Variants in STAT4 observed in about 807,000 individuals in gnomAD.
STAT4 encodes signal transducer and activator of transcription 4.
In STAT4, 42 loss-of-function variants were observed where a neutral mutation model predicts 110.5. The ratio of observed to expected loss-of-function variants is 0.38; its 90% CI spans 0.30 to 0.49. The LOEUF is 0.49. Among genes scored for constraint, STAT4 ranks in the 20% least tolerant of loss-of-function variants. STAT4 has a pLI of 0.95. For missense variants in STAT4, 632 were observed against 887.9 expected, an observed-to-expected ratio of 0.71 and a Z score of 3.66; for synonymous variants, 284 against 302.2, an observed-to-expected ratio of 0.94 and a Z score of 0.63.
chr2:191,130,468 C>T (rs894794395), intron 3 of STAT4, among the ~76,000 whole-genome samples: 6 of 151,568 alleles, frequency 4.0e-5, no homozygotes, highest in Admixed American at 1.3e-4. Context: ...GTGATCCGCC[C>T]GCCTCGGCCT....
At position 191,064,893 on chromosome 2, in the gene STAT4, T is replaced by C. The variant is rs371181176; in HGVS notation, c.696A>G (p.Ile232Met). Residue 232 changes from isoleucine (I) to methionine (M), a missense_variant, in exon 8 of 24, where the codon ATA becomes ATG. Transcript: ENST00000392320. ...GCCGCTTCCAGTCTTGCAGCTCTTC[T>C]ATGAGCATGGTGTTCATTAACAGGT... ...ETDLLMNTML[I>M]EELQDWKRRQ... The C allele has an allele frequency of 1.9e-6, 3 of 1,613,304 alleles. No homozygotes were observed. The African/African-American group carries it at 4.0e-5, about 22-fold the overall frequency.
At chr2:191,139,178 A>G (rs181708638) in intron 3 of STAT4, among the ~76,000 whole-genome samples, 1 of 152,262 alleles carries the variant, frequency 6.6e-6, no homozygotes, top group East Asian at 1.9e-4. Flanking sequence ...ATTCCCCCCG[A>G]GAGCTGGAAC....
chr2:191,099,132 G>A lies in STAT4; in HGVS notation c.274-22807C>T, dbSNP rs950717760. Among the ~76,000 whole-genome samples the A allele has an allele frequency of 6.6e-6, 1 of 151,654 alleles. No individual in the cohort carries two copies. Among genetic ancestry groups the A allele is most frequent in the African/African-American group, 2.4e-5 (1 of 41,312 alleles). On this transcript the variant is annotated intron_variant, in intron 3 of 23. Transcript: ENST00000392320. The surrounding 1 kb of genome is among the most constrained non-coding windows in gnomAD (Gnocchi z 4.1). ...GGATGCCCCATCTCCCAAATAGTTA[G>A]GAAAAAAGCAAATTTAAAATAAAGA...
At chr2:191,085,156 A>C (rs1697603298) in intron 3 of STAT4, among the ~76,000 whole-genome samples, 1 of 151,694 alleles carries the variant, frequency 6.6e-6, no homozygotes, top group Non-Finnish European at 1.5e-5. Context: ...CAAAGAGTAA[A>C]TGTTTCTGCT....
intron 14 of STAT4, among the ~76,000 whole-genome samples, chr2:191,054,113 G>GT (rs1215078558): frequency 1.4e-5 from 2 of 142,776 alleles, no homozygotes; most frequent in African/African-American, 5.3e-5. Flanking sequence ...GGGCAACAGA[G>GT]TGAGACCCTT....
At position 191,046,540 on chromosome 2, in the gene STAT4, G is replaced by A. The variant is rs1213843743; in HGVS notation, c.1252-5392C>T. On this transcript the variant is annotated intron_variant, in intron 14 of 23. Transcript: ENST00000392320. The surrounding 1 kb of genome is among the most constrained non-coding windows in gnomAD (Gnocchi z 4.6). The stretch of plus-strand genomic sequence containing the variant: ...CCTGGAAGTGGGCTTGAGGTCTTCT[G>A]GGCTAAGAATTCTGGGGTCCTGGAT... Among the ~76,000 whole-genome samples the A allele has an allele frequency of 1.3e-5, 2 of 152,096 alleles. No individual in the cohort carries two copies. Among genetic ancestry groups the A allele is most frequent in the African/African-American group, 4.8e-5 (2 of 41,396 alleles).
chr2:191,030,052 C>T lies in STAT4; in HGVS notation c.2221-186G>A, dbSNP rs780990843. Among the ~76,000 whole-genome samples, 11 of 152,040 alleles carry T rather than the reference C, an allele frequency of 7.2e-5. No individual in the cohort carries two copies. The highest frequency in any genetic ancestry group is 1.3e-4 in the Non-Finnish European group (9 of 68,020). On this transcript the variant is annotated intron_variant, in intron 23 of 23. Coordinates refer to ENST00000392320, the MANE Select transcript of STAT4 (RefSeq NM_003151.4). This position sits in a 1 kb window ranked among gnomAD's most constrained non-coding sequence, Gnocchi z 4.4. ...GTTGATCAGTCTAAAATAAAAGGTA[C>T]CTTTCAAGGAGACAGAAAAGTGTTT... is the stretch of plus-strand genomic sequence containing the variant.
At chr2:191,041,627 C>T (rs1316889019) in intron 14 of STAT4, 1 of 152,144 alleles carries the variant, frequency 6.6e-6, no homozygotes, top group Non-Finnish European at 1.5e-5. Context: ...CCAGACACTC[C>T]AATAAGGTAA....
At chr2:191,111,670 T>C (rs1382647359) in intron 3 of STAT4, among the ~76,000 whole-genome samples, 1 of 152,082 alleles carries the variant, frequency 6.6e-6, no homozygotes, top group Non-Finnish European at 1.5e-5. Context: ...CTGGGCAACA[T>C]AGTAAGACCC....
Position 191,029,818 on chromosome 2 carries a change from T to C in STAT4, c.*22A>G, listed in dbSNP as rs765524533. Reference sequence around the variant, plus strand: ...AAACTTTTTCATTTGCTTCCTTTCTTGGTGCGTCAGAGTTTATCCTGTCAT... The same window carrying C: ...AAACTTTTTCATTTGCTTCCTTTCTCGGTGCGTCAGAGTTTATCCTGTCAT... On this transcript the variant is annotated 3_prime_UTR_variant, in exon 24 of 24. Transcript: ENST00000392320. This position sits in a 1 kb window ranked among gnomAD's most constrained non-coding sequence, Gnocchi z 4.5. 12 of 1,597,310 alleles carry C rather than the reference T, an allele frequency of 7.5e-6. No individual in the cohort carries two copies. The highest frequency in any genetic ancestry group is 7.7e-6 in the Non-Finnish European group (9 of 1,173,036).
chr2:191,106,952 A>C (rs1262385046), intron 3 of STAT4, among the ~76,000 whole-genome samples: 1 of 152,176 alleles, frequency 6.6e-6, no homozygotes, highest in Non-Finnish European at 1.5e-5. Context: ...TTGAGCAAGA[A>C]TGTTGCTGTC....
chr2:191,058,032 C>G lies in STAT4; in HGVS notation c.1192G>C (p.Glu398Gln). 1 of 1,613,948 alleles carries G rather than the reference C, an allele frequency of 6.2e-7. No individual in the cohort carries two copies. Among genetic ancestry groups the G allele is most frequent in the Non-Finnish European group, 8.5e-7 (1 of 1,179,934 alleles). The change falls in exon 13 of 24, where the codon GAA (glutamate) becomes CAA (glutamine). Residue 398 changes from glutamate (E) to glutamine (Q), a missense_variant. Physicochemically the swap from Glu to Gln is conservative, Grantham distance 29. This residue lies in a region of STAT4 where 488 missense variants were observed against 632.8 expected (regional missense o/e 0.77). Transcript: ENST00000392320. The surrounding 1 kb of genome is among the most constrained non-coding windows in gnomAD (Gnocchi z 4.3). ...EESSNGSLSV[E>Q]FRHLQPKEMK... Reference sequence around the variant, plus strand: ...GCCAAACTTACCAAATGTCGAAATTCTACTGAGAGACTCCCATTGGAAGAT... The same window carrying G: ...GCCAAACTTACCAAATGTCGAAATTGTACTGAGAGACTCCCATTGGAAGAT...
At chr2:191,108,683 G>T (rs1407851252) in intron 3 of STAT4, among the ~76,000 whole-genome samples, 1 of 152,182 alleles carries the variant, frequency 6.6e-6, no homozygotes, top group South Asian at 2.1e-4. Flanking sequence ...CAGCAAAACG[G>T]TGATGAATAG....
In STAT4 at chr2:191,049,412, G is replaced by A. The variant is rs150579774; in HGVS notation, c.1251+5078C>T. 1.8e-4 allele frequency among the ~76,000 whole-genome samples: 27 copies of A among 152,014 alleles called. No individual in the cohort carries two copies. The East Asian group carries it at 4.5e-3, about 25-fold the overall frequency. Reference sequence around the variant, plus strand: ...AGGATGGTCTCACTCTCCTGACCTCGTGATCTGCCCACCTCGGCCTCCCAA... The same window carrying A: ...AGGATGGTCTCACTCTCCTGACCTCATGATCTGCCCACCTCGGCCTCCCAA... On this transcript the variant is annotated intron_variant, in intron 14 of 23. Transcript: ENST00000392320.
Position 191,062,780 on chromosome 2 carries a change from A to C in STAT4, c.923T>G (p.Ile308Ser), listed in dbSNP as rs761830960. Residue 308 changes from isoleucine to serine, a missense_variant, in exon 9 of 24, where the codon ATC becomes AGC. By Grantham distance (142) the Ile-to-Ser change is moderately radical. Around this residue, in one of 4 missense-constraint regions of STAT4, gnomAD observed 488 missense variants for 632.8 expected, o/e 0.77. Coordinates refer to ENST00000392320, the MANE Select transcript of STAT4 (RefSeq NM_003151.4). This position sits in a 1 kb window ranked among gnomAD's most constrained non-coding sequence, Gnocchi z 4.9. ...THMLERVTFL[I>S]YNLFKNSFVV... ...CACTTACTTCTTGAAAAGGTTGTAG[A>C]TCAAGAAGGTGACTCTTTCTAGCAT... is the stretch of plus-strand genomic sequence containing the variant. 2.5e-6 allele frequency: 4 copies of C among 1,613,818 alleles called. No individual in the cohort carries two copies. The highest frequency in any genetic ancestry group is 3.4e-6 in the Non-Finnish European group (4 of 1,179,852).
rs1696981556 is a variant in STAT4, at chr2:191,066,243, G to A, written c.630+187C>T. 6.6e-6 allele frequency among the ~76,000 whole-genome samples: 1 copy of A among 152,110 alleles called. No homozygotes were observed. On this transcript the variant is annotated intron_variant, in intron 7 of 23. Transcript: ENST00000392320. The surrounding 1 kb of genome is among the most constrained non-coding windows in gnomAD (Gnocchi z 4.3). ...AGCAAGATAAATAGGCTCTAAAGGG[G>A]TCCAGCATTGTAAACTCATGAAGAG...
chr2:191,075,422 G>C (rs1229253105), intron 4 of STAT4, among the ~76,000 whole-genome samples: 1 of 152,154 alleles, frequency 6.6e-6, no homozygotes, highest in Non-Finnish European at 1.5e-5. Context: ...CAATCAACAA[G>C]CAAGTATTCA....
Position 191,036,216 on chromosome 2 carries a change from A to C in STAT4, c.1518T>G (p.Val506=). The C allele has an allele frequency of 6.2e-7, 1 of 1,614,186 alleles. No individual in the cohort carries two copies. The highest frequency in any genetic ancestry group is 8.5e-7 in the Non-Finnish European group (1 of 1,180,026). The change falls in exon 17 of 24, where the codon GTT becomes GTG. Residue 506 remains valine, a synonymous_variant. Transcript: ENST00000392320. ...EVMSWQFSSY[V]GRGLNSDQLH... ...GTTGATCTGAGTTAAGACCACGACC[A>C]ACGTACGATGAAAACTGCCAGCTCA... is the stretch of plus-strand genomic sequence containing the variant.
rs1696277248 is a variant in STAT4 at position 191,043,928 on chromosome 2, A to T, written c.1252-2780T>A. ...AAAGTATATAGAAACATATTCATTCATAGAAAAAGTATAAAGGCATTCTTG... is the reference window on the plus strand; with the variant it reads ...AAAGTATATAGAAACATATTCATTCTTAGAAAAAGTATAAAGGCATTCTTG... On this transcript the variant is annotated intron_variant, in intron 14 of 23. Coordinates refer to ENST00000392320, the MANE Select transcript of STAT4 (RefSeq NM_003151.4). The surrounding 1 kb of genome is among the most constrained non-coding windows in gnomAD (Gnocchi z 4.8). Among the ~76,000 whole-genome samples the T allele has an allele frequency of 6.6e-6, 1 of 151,968 alleles. No homozygotes were observed. Among genetic ancestry groups the T allele is most frequent in the Admixed American group, 6.6e-5 (1 of 15,236 alleles).
Sources: gnomAD v4.1 joint callset for allele counts (sites outside exome capture counted in the v4.1 genomes callset) on GRCh38, gnomAD v4.1.1 for gene constraint, gnomAD v4.1.1 regional missense constraint, Gnocchi (gnomAD v3.1) non-coding constraint, MANE v1.5 for transcripts, NCBI Gene and HGNC (gene_info 2026-07-23, HGNC 2026-07-21) for gene names.